The following CRIPT variants were observed in gnomAD, a reference collection of about 807,000 sequenced individuals.
CRIPT encodes the protein cysteine-rich PDZ-binding protein.
Under a neutral mutation model 16.6 loss-of-function variants are expected in CRIPT, and 20 were observed. The ratio of observed to expected loss-of-function variants is 1.20; its 90% CI spans 0.85 to 1.75. The LOEUF is 1.75. CRIPT is among the 40% of genes most tolerant of loss of function. The pLI, the probability that CRIPT is intolerant of heterozygous loss-of-function variation, is 0.00. For missense variants in CRIPT, 133 were observed against 115.3 expected (o/e 1.15, Z -0.70); for synonymous variants, 42 against 37.0 (o/e 1.14, Z -0.49).
chr2:46,629,352 T>C lies in CRIPT; in HGVS notation c.*5125T>C, dbSNP rs969552798. 2.6e-5 allele frequency among the ~76,000 whole-genome samples: 4 copies of C among 152,224 alleles called. No homozygotes were observed. The highest frequency in any genetic ancestry group is 9.6e-5 in the African/African-American group (4 of 41,462). ...GCACTTCATAAGAACAAGCATGCTG[T>C]CTTACCCAAGTACAGCTATCAAGTT... is the stretch of plus-strand genomic sequence containing the variant. On this transcript the variant is annotated 3_prime_UTR_variant, in exon 5 of 5. Coordinates refer to ENST00000238892, the MANE Select transcript of CRIPT (RefSeq NM_014171.6).
intron 3 of CRIPT, among the ~76,000 whole-genome samples, chr2:46,623,526 C>A (rs1670860888): frequency 6.6e-6 from 1 of 152,136 alleles, no homozygotes; most frequent in Non-Finnish European, 1.5e-5. Context: ...ATGAACACGT[C>A]AAGAATAAAT....
At chr2:46,620,448 C>T (rs775583820) in intron 3 of CRIPT, among the ~76,000 whole-genome samples, 40 of 151,844 alleles carry the variant, frequency 2.6e-4, no homozygotes, top group Non-Finnish European at 5.1e-4. Context: ...GAGTCTCTTT[C>T]AGAAAAAAAA....
intron 2 of CRIPT, 61 bp downstream of exon 2, chr2:46,618,899 T>G: frequency 2.0e-6 from 2 of 1,007,196 alleles, no homozygotes; most frequent in Non-Finnish European, 3.1e-6. Context: ...AATACCTTAG[T>G]TTTTACATTA....
At chr2:46,620,204 T>G (rs1670766191) in intron 3 of CRIPT, among the ~76,000 whole-genome samples, 1 of 152,198 alleles carries the variant, frequency 6.6e-6, no homozygotes, top group African/African-American at 2.4e-5. Context: ...ATCCTAGCAC[T>G]TTGGGAAGCC....
At chr2:46,617,650 A>G (rs1396691317) in intron 1 of CRIPT, among the ~76,000 whole-genome samples, 1 of 152,156 alleles carries the variant, frequency 6.6e-6, no homozygotes, top group Non-Finnish European at 1.5e-5. Flanking sequence ...TGTAAGAAGT[A>G]TTGTTCTCCT....
In CRIPT at chr2:46,624,324, A is replaced by G. The variant is rs936801612; in HGVS notation, c.*97A>G. On this transcript the variant is annotated 3_prime_UTR_variant, in exon 5 of 5. Coordinates refer to ENST00000238892, the MANE Select transcript of CRIPT (RefSeq NM_014171.6). ...AACTTACAGAATAACATGTTTTAAG[A>G]TAATTAAGTTTAAACCAGAGAATTT... The G allele has an allele frequency of 5.4e-6, 4 of 745,576 alleles. No individual in the cohort carries two copies. The highest frequency in any genetic ancestry group is 6.1e-6 in the Non-Finnish European group (3 of 492,932). 46.2% of individuals were successfully genotyped at this position (745,576 alleles called of 1,614,324 possible).
rs1670893299 is a variant in CRIPT at position 46,624,759 on chromosome 2, A to G, written c.*532A>G. 1.3e-5 allele frequency: 2 copies of G among 152,218 alleles called. No individual in the cohort carries two copies. Among genetic ancestry groups the G allele is most frequent in the Admixed American group, 6.5e-5 (1 of 15,276 alleles). 9.4% of individuals were successfully genotyped at this position (152,218 alleles called of 1,614,324 possible). ...CCCAAATCAAAGACCAGTTGGATTT[A>G]TGATATTTTTTATTTGTTCTTGCAG... On this transcript the variant is annotated 3_prime_UTR_variant, in exon 5 of 5. Coordinates refer to ENST00000238892, the MANE Select transcript of CRIPT (RefSeq NM_014171.6).
At position 46,619,630 on chromosome 2, in the gene CRIPT, G is replaced by T. The variant is rs373331670; in HGVS notation, c.86G>T (p.Ser29Ile). The T allele has an allele frequency of 2.5e-6, 4 of 1,608,720 alleles. No homozygotes were observed. The South Asian group carries it at 4.4e-5, about 18-fold the overall frequency. Residue 29 changes from serine to isoleucine, a missense_variant, in exon 3 of 5, where the codon AGT becomes ATT. Transcript: ENST00000238892. ...AATATCTTTTATTCTGATACAGAAA[G>T]TGGTGGAAGAAAGCTGAATGAAAAT... ...WKDGARNTTE[S>I]GGRKLNENKA... is the part of the protein sequence containing the mutation.
chr2:46,625,451 G>T lies in CRIPT; in HGVS notation c.*1224G>T, dbSNP rs1380767387. On this transcript the variant is annotated 3_prime_UTR_variant, in exon 5 of 5. Coordinates refer to ENST00000238892, the MANE Select transcript of CRIPT (RefSeq NM_014171.6). ...TACTTTTCTTATGTTGCCTTCAGAGGTTCAGGACTTCTGCTTTTAAAACCT... is the reference window on the plus strand; with the variant it reads ...TACTTTTCTTATGTTGCCTTCAGAGTTTCAGGACTTCTGCTTTTAAAACCT... 2 of 136,294 alleles carry T rather than the reference G, an allele frequency of 1.5e-5. No individual in the cohort carries two copies. The highest frequency in any genetic ancestry group is 3.1e-5 in the Non-Finnish European group (2 of 65,416). The allele number at this position is 136,294 out of a possible 1,614,324, so 8.4% of individuals were successfully genotyped here.
rs768564099 is a variant in CRIPT at position 46,624,113 on chromosome 2, A to T, written c.242-50A>T. ...TTAAGCTTCAGGATTGACTTAAACC[A>T]AACAGTTGGTATTATGATTTGATTG... On this transcript the variant is annotated intron_variant, in intron 4 of 4. Transcript: ENST00000238892. 4 of 1,352,946 alleles carry T rather than the reference A, an allele frequency of 3.0e-6. No individual in the cohort carries two copies. In the African/African-American group the frequency reaches 5.9e-5, roughly 20 times the overall value. The allele number at this position is 1,352,946 out of a possible 1,614,324, so 83.8% of individuals were successfully genotyped here.
At chr2:46,619,794 G>A (rs1670759726) in intron 3 of CRIPT, 113 bp downstream of exon 3, 1 of 783,546 alleles carries the variant, frequency 1.3e-6, no homozygotes, top group Non-Finnish European at 2.1e-6. Flanking sequence ...GAGTTAGGTG[G>A]TTCCTAGCAC....
chr2:46,620,099 G>T lies in CRIPT; in HGVS notation c.137+418G>T, dbSNP rs187939239. Among the ~76,000 whole-genome samples the T allele has an allele frequency of 4.0e-3, 604 of 152,196 alleles. 3 individuals carry two copies. Among genetic ancestry groups the T allele is most frequent in the Middle Eastern group, 6.8e-3 (2 of 294 alleles). On this transcript the variant is annotated intron_variant, in intron 3 of 4. Coordinates refer to ENST00000238892, the MANE Select transcript of CRIPT (RefSeq NM_014171.6). ...AACTTTACTTTTTCCTGAGAATTGC[G>T]TAAAAAGTGTCCCATCTTAAAAACA...
intron 3 of CRIPT, among the ~76,000 whole-genome samples, chr2:46,620,039 C>G (rs976201330): frequency 1.3e-5 from 2 of 152,182 alleles, no homozygotes; most frequent in Non-Finnish European, 2.9e-5. Context: ...GCCTTATGAC[C>G]TTAAGCAAGT....
chr2:46,628,061 T>A lies in CRIPT; in HGVS notation c.*3834T>A, dbSNP rs138406508. Among the ~76,000 whole-genome samples, 64 of 152,208 alleles carry A rather than the reference T, an allele frequency of 4.2e-4. No homozygotes were observed. The highest frequency in any genetic ancestry group is 1.4e-3 in the African/African-American group (57 of 41,554). On this transcript the variant is annotated 3_prime_UTR_variant, in exon 5 of 5. Transcript: ENST00000238892. Reference sequence around the variant, plus strand: ...ATGTGATACCTCAGCTTTGTTTTATTTGCTTAGGATTGATTTTTTGGTTCC... The same window carrying A: ...ATGTGATACCTCAGCTTTGTTTTATATGCTTAGGATTGATTTTTTGGTTCC...
At position 46,624,259 on chromosome 2, in the gene CRIPT, G is replaced by T; in HGVS notation, c.*32G>T. The T allele has an allele frequency of 3.4e-6, 5 of 1,457,266 alleles. No individual in the cohort carries two copies. The highest frequency in any genetic ancestry group is 4.7e-6 in the Non-Finnish European group (5 of 1,071,700). The allele number at this position is 1,457,266 out of a possible 1,614,324, so 90.3% of individuals were successfully genotyped here. ...TGATGGAATTTCTGGCTTTCTAAATGATTTTACTTTCTGCCTTGAATTTTC... is the reference window on the plus strand; with the variant it reads ...TGATGGAATTTCTGGCTTTCTAAATTATTTTACTTTCTGCCTTGAATTTTC... On this transcript the variant is annotated 3_prime_UTR_variant, in exon 5 of 5. Transcript: ENST00000238892.
At chr2:46,619,981 C>T (rs1396525783) in intron 3 of CRIPT, among the ~76,000 whole-genome samples, 2 of 152,180 alleles carry the variant, frequency 1.3e-5, no homozygotes, top group African/African-American at 4.8e-5. Context: ...GTGGAAAGAT[C>T]ATAAGCTTTG....
chr2:46,619,551 C>G, intron 2 of CRIPT, 76 bp from the exon 3 acceptor site: 1 of 982,950 alleles, frequency 1.0e-6, no homozygotes, highest in Non-Finnish European at 1.5e-6. Flanking sequence ...GGTAGAAAGT[C>G]AAGGAATGAA....
rs1436374511 is a variant in CRIPT, at chr2:46,626,324, T to TC, written c.*2099dup. Among the ~76,000 whole-genome samples the TC allele has an allele frequency of 2.9e-4, 44 of 152,350 alleles. No homozygotes were observed. Among genetic ancestry groups the TC allele is most frequent in the African/African-American group, 1.0e-3 (43 of 41,590 alleles). On this transcript the variant is annotated 3_prime_UTR_variant, in exon 5 of 5. Transcript: ENST00000238892. The stretch of plus-strand genomic sequence containing the variant: ...GGTGTATATGTACCAATTTTCTTTA[T>TC]CCAGTCCACTATTAATGAGCATCTA...
At chr2:46,620,241 G>C (rs548341370) in intron 3 of CRIPT, among the ~76,000 whole-genome samples, 1 of 152,248 alleles carries the variant, frequency 6.6e-6, no homozygotes, top group Non-Finnish European at 1.5e-5. Context: ...CTGAGCCCAG[G>C]AGTTTGAGAG....
Sources: allele counts gnomAD v4.1 joint callset (sites outside exome capture counted in the v4.1 genomes callset), GRCh38; gene constraint gnomAD v4.1.1; transcripts MANE v1.5; gene names NCBI Gene and HGNC (gene_info 2026-07-23, HGNC 2026-07-21).